RERG: variants seen among roughly 807,000 people sequenced by gnomAD.
The protein encoded by RERG is ras-related and estrogen-regulated growth inhibitor.
RERG carries 25 observed loss-of-function variants against 23.2 expected under a neutral mutation model. The observed-to-expected ratio is 1.08, with a 90% CI of 0.79 to 1.50. The LOEUF is 1.50. Among genes scored for constraint, RERG ranks in the 40% most tolerant of loss-of-function variants. The pLI is 0.00. For missense variants in RERG, 253 were observed against 250.1 expected (o/e 1.01, Z -0.08); for synonymous variants, 81 against 89.1 (o/e 0.91, Z 0.51).
chr12:15,122,482 T>C (rs1863850469), intron 2 of RERG, among the ~76,000 whole-genome samples: 1 of 152,138 alleles, frequency 6.6e-6, no homozygotes, highest in African/African-American at 2.4e-5. Flanking sequence ...GGGCCGGAGA[T>C]GGAAACTACC....
At chr12:15,214,653 C>T (rs1464149121) in intron 2 of RERG, among the ~76,000 whole-genome samples, 1 of 152,332 alleles carries the variant, frequency 6.6e-6, no homozygotes, top group African/African-American at 2.4e-5. Flanking sequence ...TCAGAATCAA[C>T]ATAAATTCAA....
intron 2 of RERG, among the ~76,000 whole-genome samples, chr12:15,192,544 T>C (rs1389518302): frequency 6.6e-6 from 1 of 152,184 alleles, no homozygotes; most frequent in Non-Finnish European, 1.5e-5. Flanking sequence ...GAACAGAGAA[T>C]TATGTATTCC....
At chr12:15,142,082 C>T (rs1864247231) in intron 2 of RERG, among the ~76,000 whole-genome samples, 1 of 152,166 alleles carries the variant, frequency 6.6e-6, no homozygotes, top group Non-Finnish European at 1.5e-5. Context: ...AAAGAATGTG[C>T]AAGAACACAT....
At chr12:15,198,621 A>G (rs1865176555) in intron 2 of RERG, among the ~76,000 whole-genome samples, 1 of 152,182 alleles carries the variant, frequency 6.6e-6, no homozygotes, top group African/African-American at 2.4e-5. Flanking sequence ...TACAACAATC[A>G]AATTTACTAT....
At chr12:15,208,423 T>G (rs145768734) in intron 2 of RERG, among the ~76,000 whole-genome samples, 1 of 152,280 alleles carries the variant, frequency 6.6e-6, no homozygotes, top group African/African-American at 2.4e-5. Flanking sequence ...AGGAGACTAT[T>G]TAAAATATAT....
At chr12:15,116,927 C>T (rs1188878592) in intron 3 of RERG, among the ~76,000 whole-genome samples, 1 of 151,860 alleles carries the variant, frequency 6.6e-6, no homozygotes, top group African/African-American at 2.4e-5. Flanking sequence ...GGAGATAGTT[C>T]CAAGTGAACC....
At chr12:15,220,930 T>C (rs893810318) in intron 1 of RERG, among the ~76,000 whole-genome samples, 3 of 152,194 alleles carry the variant, frequency 2.0e-5, no homozygotes, top group African/African-American at 7.2e-5. Context: ...AACAAATCCA[T>C]TGTGGACTGC....
At chr12:15,166,503 G>GTGGT (rs1565525976) in intron 2 of RERG, among the ~76,000 whole-genome samples, 2 of 134,090 alleles carry the variant, frequency 1.5e-5, no homozygotes, top group Non-Finnish European at 3.4e-5. Context: ...ATGATGATGG[G>GTGGT]GATGGTGGTG....
In RERG at chr12:15,122,582, C is replaced by G. The variant is rs372655252; in HGVS notation, c.62-1463G>C. Among the ~76,000 whole-genome samples, 29 of 152,308 alleles carry G rather than the reference C, an allele frequency of 1.9e-4. No individual in the cohort carries two copies. The East Asian group carries it at 3.1e-3, about 16-fold the overall frequency. On this transcript the variant is annotated intron_variant, in intron 2 of 4. Coordinates refer to ENST00000256953, the MANE Select transcript of RERG (RefSeq NM_032918.3). ...TAGCAAGGCCACTGACCCTGTAATA[C>G]TTCCCACAGTGACTGTACTTGTGGT...
intron 2 of RERG, among the ~76,000 whole-genome samples, chr12:15,186,836 A>G (rs1864999762): frequency 6.6e-6 from 1 of 152,224 alleles, no homozygotes; most frequent in African/African-American, 2.4e-5. Flanking sequence ...GCAGCTGGGA[A>G]GAGTCGATGG....
At chr12:15,126,399 C>A (rs10846143) in intron 2 of RERG, among the ~76,000 whole-genome samples, 96,002 of 151,496 alleles carry the variant, frequency 0.63, 30,752 homozygotes, top group Admixed American at 0.73. Flanking sequence ...GATGTGCTAA[C>A]ACACATACAT....
At chr12:15,134,739 C>T (rs1034173639) in intron 2 of RERG, among the ~76,000 whole-genome samples, 2 of 152,076 alleles carry the variant, frequency 1.3e-5, no homozygotes, top group African/African-American at 4.8e-5. Flanking sequence ...CTCAGCCTCC[C>T]AAGTAGCTGG....
chr12:15,176,716 T>TA (rs1341251911), intron 2 of RERG, among the ~76,000 whole-genome samples: 1 of 152,176 alleles, frequency 6.6e-6, no homozygotes. Flanking sequence ...CCAAAAAAGC[T>TA]AGCAAAATAC....
At chr12:15,115,141 T>A (rs138926152) in intron 3 of RERG, among the ~76,000 whole-genome samples, 3 of 151,830 alleles carry the variant, frequency 2.0e-5, no homozygotes, top group Non-Finnish European at 4.4e-5. Context: ...TTAAAATATA[T>A]ATACACAGAA....
chr12:15,198,424 C>G (rs1221121035), intron 2 of RERG, among the ~76,000 whole-genome samples: 2 of 152,112 alleles, frequency 1.3e-5, no homozygotes, highest in Non-Finnish European at 2.9e-5. Flanking sequence ...TTTCCAAATG[C>G]TATTTTGAAC....
chr12:15,151,531 T>C (rs946587786), intron 2 of RERG, among the ~76,000 whole-genome samples: 4 of 152,190 alleles, frequency 2.6e-5, no homozygotes, highest in African/African-American at 9.7e-5. Flanking sequence ...TTGTTGTAGA[T>C]TGTAGATGTA....
intron 2 of RERG, among the ~76,000 whole-genome samples, chr12:15,190,670 C>A (rs1372655500): frequency 6.6e-6 from 1 of 151,840 alleles, no homozygotes; most frequent in Non-Finnish European, 1.5e-5. Flanking sequence ...AGTTTAAGAC[C>A]CTGATAATGG....
chr12:15,131,593 T>G (rs186616124), intron 2 of RERG, among the ~76,000 whole-genome samples: 26 of 152,276 alleles, frequency 1.7e-4, no homozygotes, highest in Admixed American at 1.4e-3. Flanking sequence ...CCGAAAACAT[T>G]TGGACTTTAT....
At chr12:15,189,469 G>A (rs1325349341) in intron 2 of RERG, among the ~76,000 whole-genome samples, 3 of 152,080 alleles carry the variant, frequency 2.0e-5, no homozygotes, top group Non-Finnish European at 4.4e-5. Flanking sequence ...TCTTCTCGCT[G>A]AAATATTCTG....
Sources: allele counts gnomAD v4.1 joint callset (sites outside exome capture counted in the v4.1 genomes callset), GRCh38; gene constraint gnomAD v4.1.1; transcripts MANE v1.5; gene names NCBI Gene and HGNC (gene_info 2026-07-23, HGNC 2026-07-21).